Variants in MAPK10 observed in about 807,000 individuals in gnomAD.
MAPK10 encodes JNK3 alpha protein kinase.
Under a neutral mutation model 59.3 loss-of-function variants are expected in MAPK10, and 25 were observed. The ratio of observed to expected loss-of-function variants is 0.42; its 90% CI spans 0.31 to 0.59. The LOEUF (loss-of-function observed/expected upper bound fraction) is 0.59, where lower values mean the gene tolerates loss of function less well. Ranked by LOEUF, MAPK10 falls within the 20% of genes least tolerant of loss-of-function variation. The pLI, the probability that MAPK10 is intolerant of heterozygous loss-of-function variation, is 0.15. For synonymous variants in MAPK10, 190 were observed against 200.5 expected (o/e 0.95, Z 0.44); for missense variants, 351 against 568.9 (o/e 0.62, Z 3.90).
rs189863692 is a variant in MAPK10 at position 86,461,116 on chromosome 4, C to T, written c.-262-106472G>A. On this transcript the variant is annotated intron_variant, in intron 1 of 4. Coordinates refer to the MAPK10 transcript ENST00000502302. ...GAGAACGTGGAACTAAGCTGGAGGACACCTGAGTACTCTTTTTTTTTTTTG... is the reference window on the plus strand; with the variant it reads ...GAGAACGTGGAACTAAGCTGGAGGATACCTGAGTACTCTTTTTTTTTTTTG... Among the ~76,000 whole-genome samples the T allele has an allele frequency of 4.6e-3, 617 of 134,618 alleles. 4 individuals are homozygous for T. The highest frequency in any genetic ancestry group is 0.016 in the African/African-American group (594 of 36,166). 88.3% of individuals were successfully genotyped at this position (134,618 alleles called of 152,430 possible).
intron 2 of MAPK10, among the ~76,000 whole-genome samples, chr4:86,312,261 CT>C (rs1403117420): frequency 6.6e-6 from 1 of 152,104 alleles, no homozygotes; most frequent in Admixed American, 6.6e-5. Context: ...TTAAATGCTG[CT>C]CTTTATATTA....
chr4:86,060,404 C>A (rs1411475852), intron 11 of MAPK10, among the ~76,000 whole-genome samples: 1 of 152,026 alleles, frequency 6.6e-6, no homozygotes, highest in Non-Finnish European at 1.5e-5. Flanking sequence ...AGAAATAAAG[C>A]TATTTAAAAA....
At chr4:86,126,469 A>G (rs1304857464) in intron 4 of MAPK10, among the ~76,000 whole-genome samples, 1 of 152,080 alleles carries the variant, frequency 6.6e-6, no homozygotes, top group East Asian at 1.9e-4. Context: ...TGTTTGTTGC[A>G]TGAAATTATA....
chr4:86,112,051 G>A (rs2057563122), intron 4 of MAPK10, among the ~76,000 whole-genome samples: 1 of 151,814 alleles, frequency 6.6e-6, no homozygotes, highest in African/African-American at 2.4e-5. Flanking sequence ...GTAGTTCTGT[G>A]GGGTGATAAC....
chr4:86,216,641 AT>A (rs2087738132), intron 2 of MAPK10, among the ~76,000 whole-genome samples: 1 of 151,994 alleles, frequency 6.6e-6, no homozygotes, highest in African/African-American at 2.4e-5. Flanking sequence ...TAATAAAATA[AT>A]AGAAACACTA....
intron 3 of MAPK10, among the ~76,000 whole-genome samples, chr4:86,188,261 C>G (rs2078773051): frequency 6.6e-6 from 1 of 152,126 alleles, no homozygotes; most frequent in African/African-American, 2.4e-5. Flanking sequence ...GATATATACC[C>G]AGTAATGGGA....
chr4:86,056,563 A>T, intron 11 of MAPK10, among the ~76,000 whole-genome samples: 1 of 150,070 alleles, frequency 6.7e-6, no homozygotes, highest in East Asian at 1.9e-4. Flanking sequence ...ACAAGAACTC[A>T]TTCATGGAGT....
At chr4:86,106,889 T>C (rs1236266167) in intron 5 of MAPK10, 1 of 159,126 alleles carries the variant, frequency 6.3e-6, no homozygotes, top group Non-Finnish European at 1.4e-5. Flanking sequence ...TGGTGCTTTG[T>C]AGGTTTTTTT....
intron 4 of MAPK10, chr4:86,107,643 A>G (rs2056778437): frequency 9.7e-7 from 1 of 1,029,756 alleles, no homozygotes; most frequent in Non-Finnish European, 1.2e-6. Context: ...CCAAGAATAT[A>G]GCATATAATT....
At chr4:86,292,972 A>G (rs1407749725) in intron 2 of MAPK10, among the ~76,000 whole-genome samples, 6 of 152,208 alleles carry the variant, frequency 3.9e-5, no homozygotes, top group African/African-American at 4.8e-5. Flanking sequence ...AAGTCACCAT[A>G]AGATGTTTTG....
intron 1 of MAPK10, among the ~76,000 whole-genome samples, chr4:86,519,598 G>C (rs1356458634): frequency 6.6e-6 from 1 of 152,120 alleles, no homozygotes; most frequent in Non-Finnish European, 1.5e-5. Flanking sequence ...CTTTTAAGTG[G>C]AGCATTTAGG....
At chr4:86,113,792 TA>T (rs750293319) in intron 4 of MAPK10, among the ~76,000 whole-genome samples, 2 of 152,242 alleles carry the variant, frequency 1.3e-5, no homozygotes, top group Non-Finnish European at 2.9e-5. Context: ...TCCTGGATGA[TA>T]TTTTGAAGTA....
chr4:86,178,050 T>A (rs566619502), intron 3 of MAPK10, among the ~76,000 whole-genome samples: 55 of 152,240 alleles, frequency 3.6e-4, no homozygotes, highest in Admixed American at 6.5e-4. Context: ...AACTGAAGGC[T>A]AATTTTGACA....
At chr4:86,217,496 C>T (rs1413695107) in intron 2 of MAPK10, among the ~76,000 whole-genome samples, 2 of 152,160 alleles carry the variant, frequency 1.3e-5, no homozygotes, top group South Asian at 2.1e-4. Flanking sequence ...TTTCTCAATG[C>T]ATTTTGTCAT....
In MAPK10 at chr4:86,565,805, G is replaced by A. The variant is rs188632082; in HGVS notation, c.-263+28105C>T. Among the ~76,000 whole-genome samples the A allele has an allele frequency of 4.6e-5, 7 of 152,072 alleles. No homozygotes were observed. In the East Asian group the frequency reaches 1.2e-3, roughly 25 times the overall value. Reference sequence around the variant, plus strand: ...AGTAAACTATCAAACTCCTATACTTGTCCTTCCTCATCACGTTCCTTCCTA... The same window carrying A: ...AGTAAACTATCAAACTCCTATACTTATCCTTCCTCATCACGTTCCTTCCTA... On this transcript the variant is annotated intron_variant, in intron 1 of 4. Transcript: ENST00000502302.
chr4:86,041,503 C>T (rs1262880712), intron 11 of MAPK10, among the ~76,000 whole-genome samples: 1 of 152,128 alleles, frequency 6.6e-6, no homozygotes, highest in East Asian at 1.9e-4. Context: ...AACTAAAGAG[C>T]TTCTGCACAG....
At chr4:86,206,100 T>A (rs2149341627) in intron 2 of MAPK10, among the ~76,000 whole-genome samples, 1 of 151,948 alleles carries the variant, frequency 6.6e-6, no homozygotes, top group African/African-American at 2.4e-5. Flanking sequence ...AATGTGCAGG[T>A]TAGTTACATA....
chr4:86,402,406 T>C (rs1045208518), intron 1 of MAPK10, among the ~76,000 whole-genome samples: 1 of 152,172 alleles, frequency 6.6e-6, no homozygotes, highest in Non-Finnish European at 1.5e-5. Flanking sequence ...GAAACATACT[T>C]GATTATCCTA....
chr4:86,189,077 G>A (rs1242031355), intron 3 of MAPK10, among the ~76,000 whole-genome samples: 1 of 152,010 alleles, frequency 6.6e-6, no homozygotes, highest in African/African-American at 2.4e-5. Context: ...TATTTCTGAG[G>A]CCTCTGTTCT....
Sources: gnomAD v4.1 joint callset for allele counts (sites outside exome capture counted in the v4.1 genomes callset) on GRCh38, gnomAD v4.1.1 for gene constraint, MANE v1.5 for transcripts, NCBI Gene and HGNC (gene_info 2026-07-23, HGNC 2026-07-21) for gene names.